The following PSMC6 variants were observed in gnomAD, a reference collection of about 807,000 sequenced individuals.
The protein encoded by PSMC6 is proteasome 26S subunit, ATPase 6.
A neutral mutation model predicts 55.9 loss-of-function variants in PSMC6; 3 were observed. The ratio of observed to expected loss-of-function variants is 0.05; its 90% CI spans 0.02 to 0.14. PSMC6 has a LOEUF of 0.14. Ranked by LOEUF, PSMC6 falls within the 10% of genes least tolerant of loss-of-function variation. PSMC6 has a pLI of 1.00. For missense variants in PSMC6, 210 were observed against 478.7 expected (o/e 0.44, Z 5.24); for synonymous variants, 137 against 155.9 (o/e 0.88, Z 0.90).
chr14:52,717,757 C>G (rs2041845338), intron 7 of PSMC6, among the ~76,000 whole-genome samples: 1 of 152,038 alleles, frequency 6.6e-6, no homozygotes. Flanking sequence ...GTGGCTCCTG[C>G]CTGTAATCCC....
At position 52,728,243 on chromosome 14, in the gene PSMC6, A is replaced by T. The variant is rs546866065; in HGVS notation, c.*626A>T. On this transcript the variant is annotated 3_prime_UTR_variant, in exon 14 of 14. Coordinates refer to ENST00000445930, the MANE Select transcript of PSMC6 (RefSeq NM_002806.5). The stretch of plus-strand genomic sequence containing the variant: ...ATTAAGCTCATTGTTGGTTAATTGA[A>T]AATATACATGCACATCCATAACTTT... The T allele has an allele frequency of 1.3e-5, 2 of 152,378 alleles. No individual in the cohort carries two copies. The highest frequency in any genetic ancestry group is 4.8e-5 in the African/African-American group (2 of 41,580). 9.4% of individuals were successfully genotyped at this position (152,378 alleles called of 1,614,324 possible).
intron 4 of PSMC6, 30 bp from the exon 5 acceptor site, chr14:52,711,071 G>A: frequency 6.5e-7 from 1 of 1,530,386 alleles, no homozygotes; most frequent in Non-Finnish European, 9.0e-7. Flanking sequence ...TTTAAGTGTT[G>A]ATGTAATATC....
intron 12 of PSMC6, chr14:52,723,723 A>G (rs1038644328): frequency 2.4e-6 from 2 of 847,108 alleles, no homozygotes; most frequent in Admixed American, 7.5e-5. Context: ...AGATTAAGAT[A>G]TTTTGAGATT....
intron 13 of PSMC6, among the ~76,000 whole-genome samples, chr14:52,724,929 G>A (rs3783447): frequency 0.13 from 19,964 of 152,180 alleles, 1,549 homozygotes; most frequent in African/African-American, 0.21. Flanking sequence ...AGTGTTTAAA[G>A]TGGCTGCTCA....
chr14:52,707,494 G>C (rs1289399979), intron 1 of PSMC6, 190 bp downstream of exon 1: 1 of 683,870 alleles, frequency 1.5e-6, no homozygotes, highest in Non-Finnish European at 2.4e-6. Flanking sequence ...AAATGGCCCA[G>C]TCCAGCCCGG....
chr14:52,710,800 A>G, intron 4 of PSMC6: 2 of 360,160 alleles, frequency 5.6e-6, no homozygotes, highest in East Asian at 6.9e-5. Flanking sequence ...GGATTTTTCT[A>G]TAAATGCTTT....
At chr14:52,724,454 C>G (rs1409195913) in intron 13 of PSMC6, among the ~76,000 whole-genome samples, 1 of 152,124 alleles carries the variant, frequency 6.6e-6, no homozygotes, top group Admixed American at 6.6e-5. Flanking sequence ...ACACTGGCCC[C>G]CTAAAGTAAG....
At chr14:52,720,783 C>A in intron 10 of PSMC6, 78 bp from the exon 11 acceptor site, 1 of 1,142,948 alleles carries the variant, frequency 8.7e-7, no homozygotes. Flanking sequence ...CATTTCATGG[C>A]ATTAGACATA....
chr14:52,712,836 C>T (rs370894504), intron 6 of PSMC6, among the ~76,000 whole-genome samples: 4 of 152,196 alleles, frequency 2.6e-5, no homozygotes, highest in East Asian at 3.9e-4. Flanking sequence ...AGGCTCTTCT[C>T]GAACTCCTGA....
At chr14:52,716,508 CTT>C (rs1218700403) in intron 7 of PSMC6, among the ~76,000 whole-genome samples, 1 of 152,168 alleles carries the variant, frequency 6.6e-6, no homozygotes, top group African/African-American at 2.4e-5. Flanking sequence ...AGTGCCAACA[CTT>C]TGGGAGGCCG....
At chr14:52,719,657 T>A (rs546929929) in intron 10 of PSMC6, among the ~76,000 whole-genome samples, 2 of 152,336 alleles carry the variant, frequency 1.3e-5, no homozygotes, top group South Asian at 4.1e-4. Context: ...TTGAAAAATC[T>A]TTTTTCATAA....
intron 7 of PSMC6, 55 bp downstream of exon 7, chr14:52,714,023 A>C: frequency 8.9e-7 from 1 of 1,125,452 alleles, no homozygotes; most frequent in Non-Finnish European, 1.3e-6. Flanking sequence ...TAAGGAATTA[A>C]AAAAAAAAAG....
chr14:52,709,150 T>C (rs1245338835), intron 4 of PSMC6: 3 of 209,054 alleles, frequency 1.4e-5, no homozygotes, highest in Admixed American at 5.5e-5. Context: ...CAGTTACCTG[T>C]GTTTATATTT....
At chr14:52,718,042 A>G in intron 7 of PSMC6, 39 bp from the exon 8 acceptor site, 2 of 1,597,320 alleles carry the variant, frequency 1.3e-6, no homozygotes, top group Non-Finnish European at 1.7e-6. Flanking sequence ...ATTTTTTTCT[A>G]CCTTACCATC....
Position 52,721,096 on chromosome 14 carries a change from T to A in PSMC6, c.899-14T>A, listed in dbSNP as rs200595550. The A allele has an allele frequency of 2.5e-6, 4 of 1,582,596 alleles. No homozygotes were observed. The South Asian group carries it at 4.7e-5, about 19-fold the overall frequency. ...AAGATAAAACTGGACTATAAAATAA[T>A]TTTTTATTTTCAGATATTGATTTGC... On this transcript the variant is annotated splice_polypyrimidine_tract_variant and intron_variant, in intron 11 of 13. Transcript: ENST00000445930.
chr14:52,709,106 T>C, intron 4 of PSMC6: 1 of 253,994 alleles, frequency 3.9e-6, no homozygotes, highest in Admixed American at 5.2e-5. Flanking sequence ...TTTAATGTCA[T>C]TTTTAAAGAG....
chr14:52,727,187 ATT>A (rs1244513996), intron 13 of PSMC6, among the ~76,000 whole-genome samples: 7 of 139,118 alleles, frequency 5.0e-5, no homozygotes, highest in Non-Finnish European at 9.4e-5. Context: ...TGCCCAGCTA[ATT>A]TTTTTTTTTT....
rs1189877037 is a variant in PSMC6, at chr14:52,718,961, A to C, written c.716-16A>C. The stretch of plus-strand genomic sequence containing the variant: ...AAAAGAGTAATGCATATAAATTTCC[A>C]AATCTACTATCTTAGGTGGTCGTCG... On this transcript the variant is annotated splice_polypyrimidine_tract_variant and intron_variant, in intron 9 of 13. Coordinates refer to ENST00000445930, the MANE Select transcript of PSMC6 (RefSeq NM_002806.5). 1 of 1,597,920 alleles carries C rather than the reference A, an allele frequency of 6.3e-7. No individual in the cohort carries two copies. The highest frequency in any genetic ancestry group is 1.3e-5 in the African/African-American group (1 of 74,658).
At chr14:52,724,311 A>G (rs1037348521) in intron 13 of PSMC6, among the ~76,000 whole-genome samples, 1 of 152,204 alleles carries the variant, frequency 6.6e-6, no homozygotes, top group South Asian at 2.1e-4. Context: ...CACCCAGCTG[A>G]AAGTTGGGAG....
Sources: gnomAD v4.1 joint callset for allele counts (sites outside exome capture counted in the v4.1 genomes callset) on GRCh38, gnomAD v4.1.1 for gene constraint, MANE v1.5 for transcripts, NCBI Gene and HGNC (gene_info 2026-07-23, HGNC 2026-07-21) for gene names.